ABLIM1: variants seen among roughly 807,000 people sequenced by gnomAD.
The protein encoded by ABLIM1 is actin binding LIM protein 1.
ABLIM1 carries 40 observed loss-of-function variants against 107.0 expected under a neutral mutation model. That is an observed-to-expected ratio of 0.37 (90% confidence interval 0.29 to 0.49). The LOEUF (loss-of-function observed/expected upper bound fraction) is 0.49, where lower values mean the gene tolerates loss of function less well. Among genes scored for constraint, ABLIM1 ranks in the 20% least tolerant of loss-of-function variants. The probability of loss-of-function intolerance (pLI) is 0.97; values close to 1 mark genes in which losing one functional copy is unlikely to be tolerated. For synonymous variants in ABLIM1, 357 were observed against 357.3 expected (o/e 1.00, Z 0.01); for missense variants, 857 against 1,008.5 (o/e 0.85, Z 2.04).
At chr10:114,711,025 A>G (rs931338853) in intron 1 of ABLIM1, among the ~76,000 whole-genome samples, 6 of 152,154 alleles carry the variant, frequency 3.9e-5, no homozygotes, top group African/African-American at 1.4e-4. Context: ...TAAGAAGGCC[A>G]CTCCATGACT....
At chr10:114,482,328 A>G (rs2057492931) in intron 8 of ABLIM1, among the ~76,000 whole-genome samples, 1 of 152,232 alleles carries the variant, frequency 6.6e-6, no homozygotes, top group African/African-American at 2.4e-5. Flanking sequence ...CAATATAGAT[A>G]ACAAAAATGA....
At chr10:114,554,956 G>C (rs192506895) in intron 4 of ABLIM1, among the ~76,000 whole-genome samples, 1 of 152,100 alleles carries the variant, frequency 6.6e-6, no homozygotes, top group Non-Finnish European at 1.5e-5. Flanking sequence ...TCTGTAAAAT[G>C]AGTAGGTTAG....
At chr10:114,732,468 T>C (rs961258879) in intron 1 of ABLIM1, among the ~76,000 whole-genome samples, 2 of 152,068 alleles carry the variant, frequency 1.3e-5, no homozygotes, top group African/African-American at 2.4e-5. Flanking sequence ...TTCTGAAAAA[T>C]AGACCCTTAT....
At chr10:114,643,477 A>G (rs1216790905) in intron 1 of ABLIM1, among the ~76,000 whole-genome samples, 3 of 152,158 alleles carry the variant, frequency 2.0e-5, no homozygotes, top group Admixed American at 6.5e-5. Flanking sequence ...TGTTTCTTGG[A>G]CTTGGTAAGG....
At chr10:114,599,246 C>A (rs1045999751) in intron 2 of ABLIM1, among the ~76,000 whole-genome samples, 1 of 152,082 alleles carries the variant, frequency 6.6e-6, no homozygotes, top group African/African-American at 2.4e-5. Flanking sequence ...TTAATTTAAA[C>A]AAAAACTCAA....
Position 114,718,070 on chromosome 10 carries a change from A to AAGG in ABLIM1, c.-213+49990_-213+49991insCCT, listed in dbSNP as rs1566269566. Among the ~76,000 whole-genome samples, 198 of 54,098 alleles carry AAGG rather than the reference A, an allele frequency of 3.7e-3. 2 individuals carry two copies. The highest frequency in any genetic ancestry group is 7.4e-3 in the African/African-American group (151 of 20,294). The allele number at this position is 54,098 out of a possible 152,430, so 35.5% of individuals were successfully genotyped here. The stretch of plus-strand genomic sequence containing the variant: ...GAAAGAAAGAAAGAAAGAAAGGAAG[A>AAGG]AAGGAAGGAAGGAAGGAAGGAAGGA... On this transcript the variant is annotated intron_variant, in intron 1 of 15. Transcript: ENST00000651092.
intron 16 of ABLIM1, 74 bp downstream of exon 16, chr10:114,445,238 T>C: frequency 2.2e-6 from 3 of 1,347,982 alleles, no homozygotes; most frequent in South Asian, 1.2e-5. Context: ...GGTTTATACA[T>C]AGTAGTCATT....
chr10:114,500,070 G>A (rs2060190966), intron 6 of ABLIM1, among the ~76,000 whole-genome samples: 1 of 152,214 alleles, frequency 6.6e-6, no homozygotes, highest in Admixed American at 6.5e-5. Context: ...CTTTCACAAA[G>A]CCTAGAGGGC....
intron 1 of ABLIM1, among the ~76,000 whole-genome samples, chr10:114,716,483 G>A (rs1453218085): frequency 2.6e-5 from 4 of 151,700 alleles, no homozygotes; most frequent in Middle Eastern, 3.2e-3. Flanking sequence ...AAGAAAACGA[G>A]TGTTAAGGTA....
intron 17 of ABLIM1, among the ~76,000 whole-genome samples, chr10:114,443,565 G>C (rs1013957334): frequency 6.6e-6 from 1 of 151,122 alleles, no homozygotes; most frequent in African/African-American, 2.4e-5. Flanking sequence ...CGCCTGCCTT[G>C]GCCTCCCAAA....
intron 1 of ABLIM1, among the ~76,000 whole-genome samples, chr10:114,622,068 C>A (rs909331450): frequency 1.2e-4 from 19 of 152,142 alleles, no homozygotes; most frequent in African/African-American, 4.3e-4. Context: ...CACATGGCAG[C>A]AGTCCAGTAG....
intron 4 of ABLIM1, among the ~76,000 whole-genome samples, chr10:114,548,356 A>G (rs1024553909): frequency 2.0e-5 from 3 of 152,220 alleles, no homozygotes; most frequent in Non-Finnish European, 4.4e-5. Context: ...TCCTGGAAGG[A>G]CAATAAAGGA....
chr10:114,630,742 G>T (rs550297959), intron 1 of ABLIM1, among the ~76,000 whole-genome samples: 1 of 152,138 alleles, frequency 6.6e-6, no homozygotes, highest in Non-Finnish European at 1.5e-5. Context: ...GTTCAAGAAC[G>T]CCCTGAAAGA....
At chr10:114,757,047 G>A (rs1245174126) in intron 1 of ABLIM1, among the ~76,000 whole-genome samples, 2 of 152,248 alleles carry the variant, frequency 1.3e-5, no homozygotes, top group African/African-American at 4.8e-5. Context: ...TTTTTGCAGT[G>A]CTAACAATGA....
At chr10:114,789,233 C>T in the ABLIM1 span, among the ~76,000 whole-genome samples, 2,273 of 151,520 alleles carry the variant, frequency 0.015, 65 homozygotes, top group African/African-American at 0.051. Flanking sequence ...CCAGCCTGGG[C>T]GACGGAACAA....
chr10:114,471,414 T>C (rs995047956), intron 10 of ABLIM1, among the ~76,000 whole-genome samples: 21 of 152,176 alleles, frequency 1.4e-4, no homozygotes, highest in African/African-American at 5.1e-4. Flanking sequence ...GGCCAATCTC[T>C]ATGCACTTTG....
chr10:114,772,649 C>T (rs550366344), upstream of ABLIM1, among the ~76,000 whole-genome samples: 97 of 151,956 alleles, frequency 6.4e-4, 1 homozygote, highest in Middle Eastern at 0.014. Flanking sequence ...CCCAAGGATT[C>T]CACAAATAAA....
chr10:114,441,584 C>A (rs1231540358), intron 18 of ABLIM1, 138 bp downstream of exon 18: 4 of 701,924 alleles, frequency 5.7e-6, no homozygotes, highest in Non-Finnish European at 9.5e-6. Context: ...ATTTACTAGG[C>A]AACCAGGGAG....
chr10:114,720,775 A>G (rs1398447050), intron 1 of ABLIM1, among the ~76,000 whole-genome samples: 1 of 152,174 alleles, frequency 6.6e-6, no homozygotes, highest in Non-Finnish European at 1.5e-5. Flanking sequence ...GAAGACAACC[A>G]AACCTGGTTT....
Sources: allele counts gnomAD v4.1 joint callset (sites outside exome capture counted in the v4.1 genomes callset), GRCh38; gene constraint gnomAD v4.1.1; transcripts MANE v1.5; gene names NCBI Gene and HGNC (gene_info 2026-07-23, HGNC 2026-07-21).